The following L3MBTL3 variants were observed in gnomAD, a reference collection of about 807,000 sequenced individuals.
L3MBTL3 encodes the protein L3MBTL histone methyl-lysine binding protein 3.
A neutral mutation model predicts 102.3 loss-of-function variants in L3MBTL3; 27 were observed. The observed-to-expected ratio is 0.26, with a 90% CI of 0.19 to 0.36. The LOEUF (loss-of-function observed/expected upper bound fraction) is 0.36, where lower values mean the gene tolerates loss of function less well. Ranked by LOEUF, L3MBTL3 falls within the 10% of genes least tolerant of loss-of-function variation. The probability of loss-of-function intolerance (pLI) is 1.00; values close to 1 mark genes in which losing one functional copy is unlikely to be tolerated. For missense variants in L3MBTL3, 798 were observed against 955.3 expected, an observed-to-expected ratio of 0.84 and a Z score of 2.17; for synonymous variants, 340 against 320.9, an observed-to-expected ratio of 1.06 and a Z score of -0.64.
chr6:130,053,820 G>A (rs961063293), intron 7 of L3MBTL3, among the ~76,000 whole-genome samples: 2 of 152,106 alleles, frequency 1.3e-5, no homozygotes, highest in African/African-American at 2.4e-5. Context: ...CGTTGAGATC[G>A]GTATTGTACA....
chr6:130,083,212 A>G (rs1783475613), intron 14 of L3MBTL3, among the ~76,000 whole-genome samples: 1 of 152,146 alleles, frequency 6.6e-6, no homozygotes. Flanking sequence ...CTTTCTGCTT[A>G]TGTACATTTT....
intron 20 of L3MBTL3, among the ~76,000 whole-genome samples, chr6:130,131,574 C>G (rs998943976): frequency 6.6e-6 from 1 of 152,004 alleles, no homozygotes; most frequent in African/African-American, 2.4e-5. Context: ...GGGTCTCGCG[C>G]AAGAAAGAAT....
At chr6:130,125,851 G>A (rs1332767013) in intron 20 of L3MBTL3, among the ~76,000 whole-genome samples, 1 of 152,084 alleles carries the variant, frequency 6.6e-6, no homozygotes, top group Non-Finnish European at 1.5e-5. Flanking sequence ...GACTCCGTAG[G>A]TCCATGAGGC....
At chr6:130,115,818 G>A (rs1785633652) in intron 19 of L3MBTL3, among the ~76,000 whole-genome samples, 1 of 152,202 alleles carries the variant, frequency 6.6e-6, no homozygotes, top group South Asian at 2.1e-4. Context: ...GAATTGAATT[G>A]TATTGAATTG....
chr6:130,113,762 A>G (rs1315795629), intron 19 of L3MBTL3, among the ~76,000 whole-genome samples: 1 of 152,234 alleles, frequency 6.6e-6, no homozygotes, highest in Non-Finnish European at 1.5e-5. Context: ...TATTTTTAGC[A>G]CGAATCCAAT....
chr6:130,019,760 G>A (rs1778823120), intron 1 of L3MBTL3, among the ~76,000 whole-genome samples: 1 of 151,422 alleles, frequency 6.6e-6, no homozygotes, highest in Non-Finnish European at 1.5e-5. Flanking sequence ...CGCCATTTTG[G>A]GAAAGTTGCA....
At chr6:130,108,589 T>C (rs1785147460) in intron 19 of L3MBTL3, among the ~76,000 whole-genome samples, 1 of 152,194 alleles carries the variant, frequency 6.6e-6, no homozygotes, top group Non-Finnish European at 1.5e-5. Context: ...TGTTTCATTA[T>C]ATGTCTTTTA....
chr6:130,050,545 T>G (rs1340183939), intron 5 of L3MBTL3, among the ~76,000 whole-genome samples: 1 of 152,272 alleles, frequency 6.6e-6, no homozygotes, highest in African/African-American at 2.4e-5. Flanking sequence ...TCACTTCTTC[T>G]GTACTACTTC....
chr6:130,076,455 A>AT (rs1489611788), intron 13 of L3MBTL3, among the ~76,000 whole-genome samples: 4 of 151,962 alleles, frequency 2.6e-5, no homozygotes, highest in Non-Finnish European at 4.4e-5. Flanking sequence ...ATAAGCATGG[A>AT]TTTTTTTTAA....
rs1191031681 is a variant in L3MBTL3, at chr6:130,104,582, A to G, written c.1886+7A>G. The stretch of plus-strand genomic sequence containing the variant: ...CTTCTTCCCCTGAAATCAGGTAATC[A>G]AAGAGCTAATATTAGCATTGTTTAG... On this transcript the variant is annotated splice_region_variant and intron_variant, in intron 19 of 22. Coordinates refer to ENST00000361794, the MANE Select transcript of L3MBTL3 (RefSeq NM_032438.4). 4.5e-6 allele frequency: 7 copies of G among 1,554,314 alleles called. No homozygotes were observed. The highest frequency in any genetic ancestry group is 6.1e-6 in the Non-Finnish European group (7 of 1,155,870).
intron 14 of L3MBTL3, among the ~76,000 whole-genome samples, chr6:130,081,526 C>G (rs1455285831): frequency 6.6e-6 from 1 of 150,866 alleles, no homozygotes; most frequent in Non-Finnish European, 1.5e-5. Flanking sequence ...TCAAGTGATT[C>G]TCCTACCTAA....
At chr6:130,115,152 G>T (rs949121133) in intron 19 of L3MBTL3, among the ~76,000 whole-genome samples, 1 of 152,244 alleles carries the variant, frequency 6.6e-6, no homozygotes, top group Admixed American at 6.5e-5. Context: ...TTGTTACTGG[G>T]GAAGTACAAG....
At chr6:130,070,020 G>C (rs1782521998) in intron 12 of L3MBTL3, among the ~76,000 whole-genome samples, 1 of 152,132 alleles carries the variant, frequency 6.6e-6, no homozygotes, top group Admixed American at 6.5e-5. Flanking sequence ...TATAATTATA[G>C]TAAAATGAGA....
At chr6:130,034,281 C>T (rs1779909226) in intron 2 of L3MBTL3, among the ~76,000 whole-genome samples, 1 of 152,014 alleles carries the variant, frequency 6.6e-6, no homozygotes, top group African/African-American at 2.4e-5. Flanking sequence ...ATGTCCGCAG[C>T]CAGTCACGAT....
intron 8 of L3MBTL3, among the ~76,000 whole-genome samples, chr6:130,056,703 C>T (rs1781532644): frequency 6.6e-6 from 1 of 152,110 alleles, no homozygotes; most frequent in Admixed American, 6.6e-5. Context: ...TTTTTCACCT[C>T]AGATGAACTT....
At chr6:130,120,613 A>G (rs767884959) in intron 19 of L3MBTL3, among the ~76,000 whole-genome samples, 14 of 152,252 alleles carry the variant, frequency 9.2e-5, no homozygotes, top group Admixed American at 2.0e-4. Flanking sequence ...GAATTATTCA[A>G]TAGCTACATT....
intron 18 of L3MBTL3, among the ~76,000 whole-genome samples, chr6:130,103,837 T>C (rs1017244078): frequency 1.3e-5 from 2 of 152,232 alleles, no homozygotes; most frequent in African/African-American, 2.4e-5. Context: ...ATTATCCAAG[T>C]TGGCCTCTGG....
At chr6:130,110,289 C>A (rs1347603692) in intron 19 of L3MBTL3, among the ~76,000 whole-genome samples, 1 of 152,132 alleles carries the variant, frequency 6.6e-6, no homozygotes, top group Non-Finnish European at 1.5e-5. Context: ...TTACTTTGGG[C>A]AGTATGGCCA....
chr6:130,019,424 G>C (rs1228918655), intron 1 of L3MBTL3: 1 of 151,618 alleles, frequency 6.6e-6, no homozygotes, highest in Non-Finnish European at 1.5e-5. Context: ...GGCGCGCACC[G>C]GAGAGCGAGC....
Sources: allele counts gnomAD v4.1 joint callset (sites outside exome capture counted in the v4.1 genomes callset), GRCh38; gene constraint gnomAD v4.1.1; transcripts MANE v1.5; gene names NCBI Gene and HGNC (gene_info 2026-07-23, HGNC 2026-07-21).